TNFSF4: variants seen among roughly 807,000 people sequenced by gnomAD.
TNFSF4 encodes the protein TNF superfamily member 4.
A neutral mutation model predicts 7.3 loss-of-function variants in TNFSF4; 4 were observed. The ratio of observed to expected loss-of-function variants is 0.55; its 90% CI spans 0.27 to 1.25. The LOEUF (loss-of-function observed/expected upper bound fraction) is 1.25. Among genes scored for constraint, TNFSF4 ranks in the 50% most tolerant of loss-of-function variants. The pLI is 0.12. For synonymous variants in TNFSF4, 76 were observed against 83.7 expected, an observed-to-expected ratio of 0.91 and a Z score of 0.50; for missense variants, 181 against 208.8, an observed-to-expected ratio of 0.87 and a Z score of 0.82.
intron 1 of TNFSF4, among the ~76,000 whole-genome samples, chr1:173,206,297 A>C (rs1349264489): frequency 6.6e-6 from 1 of 152,234 alleles, no homozygotes; most frequent in Admixed American, 6.5e-5. Context: ...AGAAAAAATA[A>C]TGCAAAAGAG....
the TNFSF4 span, among the ~76,000 whole-genome samples, chr1:173,331,038 CCAT>C: frequency 6.6e-6 from 1 of 151,998 alleles, no homozygotes; most frequent in African/African-American, 2.4e-5. Context: ...GCGCCCACCA[CCAT>C]GCCAGGCTAA....
the TNFSF4 span, among the ~76,000 whole-genome samples, chr1:173,217,762 C>A: frequency 6.6e-6 from 1 of 152,096 alleles, no homozygotes; most frequent in Admixed American, 6.6e-5. Flanking sequence ...TGCTACAAAA[C>A]AAAATTTTCT....
the TNFSF4 span, among the ~76,000 whole-genome samples, chr1:173,275,775 G>A: frequency 5.3e-5 from 8 of 152,254 alleles, 1 homozygote; most frequent in South Asian, 1.4e-3. Context: ...AGCAGCCCAG[G>A]TTGACAGAGG....
chr1:173,293,380 C>T, the TNFSF4 span, among the ~76,000 whole-genome samples: 3 of 151,654 alleles, frequency 2.0e-5, no homozygotes, highest in African/African-American at 7.3e-5. Context: ...GGAAAAGACT[C>T]TTCAATAAAT....
chr1:173,290,451 G>C, the TNFSF4 span, among the ~76,000 whole-genome samples: 5 of 152,080 alleles, frequency 3.3e-5, no homozygotes, highest in Non-Finnish European at 4.4e-5. Flanking sequence ...TCTTATGTTG[G>C]ATAAAACAAA....
At chr1:173,336,687 T>C in the TNFSF4 span, among the ~76,000 whole-genome samples, 4 of 152,116 alleles carry the variant, frequency 2.6e-5, no homozygotes, top group African/African-American at 4.8e-5. Flanking sequence ...ATTATGCCAA[T>C]TGGAACTAGT....
chr1:173,242,400 C>T, the TNFSF4 span, among the ~76,000 whole-genome samples: 1 of 152,202 alleles, frequency 6.6e-6, no homozygotes, highest in Middle Eastern at 3.4e-3. Flanking sequence ...TATTGCTTGA[C>T]AATTAGTTTT....
chr1:173,261,325 G>T, the TNFSF4 span, among the ~76,000 whole-genome samples: 1 of 152,178 alleles, frequency 6.6e-6, no homozygotes, highest in South Asian at 2.1e-4. Context: ...CACAGCTAAA[G>T]TAGTGTTAAC....
At chr1:173,233,531 A>T in the TNFSF4 span, among the ~76,000 whole-genome samples, 1 of 152,186 alleles carries the variant, frequency 6.6e-6, no homozygotes, top group Non-Finnish European at 1.5e-5. Context: ...TAATTGTCAG[A>T]TTCACCAAAG....
the TNFSF4 span, among the ~76,000 whole-genome samples, chr1:173,236,193 A>G: frequency 2.6e-5 from 4 of 152,116 alleles, no homozygotes; most frequent in African/African-American, 9.7e-5. Context: ...GAATATTTCT[A>G]CCAGTAGTCT....
At chr1:173,383,938 CA>C in the TNFSF4 span, among the ~76,000 whole-genome samples, 1 of 152,298 alleles carries the variant, frequency 6.6e-6, no homozygotes, top group East Asian at 1.9e-4. Flanking sequence ...AACTGGCACA[CA>C]GTGGAAAGAT....
chr1:173,356,221 A>G, the TNFSF4 span, among the ~76,000 whole-genome samples: 6 of 152,208 alleles, frequency 3.9e-5, no homozygotes, highest in Non-Finnish European at 7.3e-5. Context: ...CTTTGTCTCT[A>G]CCAAGAATTT....
the TNFSF4 span, among the ~76,000 whole-genome samples, chr1:173,304,995 C>A: frequency 6.6e-6 from 1 of 151,914 alleles, no homozygotes; most frequent in Non-Finnish European, 1.5e-5. Flanking sequence ...CAGATTGATG[C>A]ACTTAAGAGC....
chr1:173,326,826 C>G, the TNFSF4 span, among the ~76,000 whole-genome samples: 1 of 152,132 alleles, frequency 6.6e-6, no homozygotes, highest in Non-Finnish European at 1.5e-5. Context: ...TGAAGGACCT[C>G]TTCAAGGAGA....
At chr1:173,411,231 C>A in the TNFSF4 span, among the ~76,000 whole-genome samples, 1 of 152,320 alleles carries the variant, frequency 6.6e-6, no homozygotes, top group Admixed American at 6.5e-5. Flanking sequence ...ATCACCAGCA[C>A]CCCTCAGGTC....
At chr1:173,438,275 G>T in the TNFSF4 span, among the ~76,000 whole-genome samples, 1 of 152,082 alleles carries the variant, frequency 6.6e-6, no homozygotes, top group African/African-American at 2.4e-5. Context: ...ATTGTTTTAA[G>T]TTGGCATCCT....
At chr1:173,364,379 G>GTATATATATATATATATATA in the TNFSF4 span, among the ~76,000 whole-genome samples, 1 of 109,098 alleles carries the variant, frequency 9.2e-6, no homozygotes, top group East Asian at 2.4e-4. Flanking sequence ...TGGGGTGTAT[G>GTATATATATATATATATATA]TGTATATATA....
the TNFSF4 span, among the ~76,000 whole-genome samples, chr1:173,273,229 AG>A: frequency 3.3e-5 from 5 of 152,142 alleles, no homozygotes; most frequent in Admixed American, 3.3e-4. Context: ...TTTATCACAA[AG>A]GATTGATGGT....
the TNFSF4 span, among the ~76,000 whole-genome samples, chr1:173,231,696 T>G: frequency 2.6e-5 from 4 of 152,136 alleles, no homozygotes; most frequent in Admixed American, 2.6e-4. Flanking sequence ...GATGACATGA[T>G]TGTATATTTA....
Sources: gnomAD v4.1 joint callset for allele counts (sites outside exome capture counted in the v4.1 genomes callset) on GRCh38, gnomAD v4.1.1 for gene constraint, MANE v1.5 for transcripts, NCBI Gene and HGNC (gene_info 2026-07-23, HGNC 2026-07-21) for gene names.